The following ZBTB20 variants were observed in gnomAD, a reference collection of about 807,000 sequenced individuals.
ZBTB20 encodes the protein zinc finger and BTB domain containing 20.
In ZBTB20, 9 loss-of-function variants were observed where a neutral mutation model predicts 56.9. That is an observed-to-expected ratio of 0.16 (90% confidence interval 0.10 to 0.28). ZBTB20 has a LOEUF of 0.28. ZBTB20 is among the 10% of genes least tolerant of loss of function. ZBTB20 has a pLI of 1.00. For synonymous variants in ZBTB20, 417 were observed against 420.7 expected, an observed-to-expected ratio of 0.99 and a Z score of 0.11; for missense variants, 655 against 1,003.0, an observed-to-expected ratio of 0.65 and a Z score of 4.69.
At chr3:114,370,432 A>C (rs2082873857) in intron 10 of ZBTB20, among the ~76,000 whole-genome samples, 1 of 152,142 alleles carries the variant, frequency 6.6e-6, no homozygotes, top group Admixed American at 6.5e-5. Flanking sequence ...ACCTAAGGTA[A>C]TCTTTTCCTA....
intron 6 of ZBTB20, among the ~76,000 whole-genome samples, chr3:114,590,852 A>C (rs1209688603): frequency 2.0e-5 from 3 of 152,200 alleles, no homozygotes; most frequent in Admixed American, 6.5e-5. Flanking sequence ...CCATTCCAGA[A>C]AGATATGACT....
At chr3:115,121,125 C>T (rs534246529) in intron 1 of ZBTB20, among the ~76,000 whole-genome samples, 20 of 152,140 alleles carry the variant, frequency 1.3e-4, no homozygotes, top group African/African-American at 4.8e-4. Flanking sequence ...CGTTGAGCTA[C>T]GGTCAGTTTT....
chr3:114,933,160 G>C (rs1406746174), intron 3 of ZBTB20, among the ~76,000 whole-genome samples: 1 of 152,166 alleles, frequency 6.6e-6, no homozygotes, highest in Non-Finnish European at 1.5e-5. Flanking sequence ...AGTGACCCAA[G>C]CTATTACTAA....
At chr3:114,748,334 C>CTTTCTTCTTTCT (rs762103705) in intron 5 of ZBTB20, among the ~76,000 whole-genome samples, 1 of 57,164 alleles carries the variant, frequency 1.7e-5, no homozygotes, top group Non-Finnish European at 3.8e-5. Flanking sequence ...TTCTTTCTTT[C>CTTTCTTCTTTCT]TTCTTTCTTT....
In ZBTB20 at chr3:114,517,895, C is replaced by T. The variant is rs531492583; in HGVS notation, c.-294-17504G>A. On this transcript the variant is annotated intron_variant, in intron 6 of 11. Transcript: ENST00000675478. ...AGCCATTTGACATGTATTTTTTAAG[C>T]GCTTACTGTATACCAGGCCCTATGC... 5.9e-5 allele frequency among the ~76,000 whole-genome samples: 9 copies of T among 152,092 alleles called. No individual in the cohort carries two copies. In the South Asian group the frequency reaches 1.2e-3, roughly 21 times the overall value.
intron 3 of ZBTB20, among the ~76,000 whole-genome samples, chr3:114,958,709 G>C (rs2077336457): frequency 6.6e-6 from 1 of 151,800 alleles, no homozygotes; most frequent in South Asian, 2.1e-4. Flanking sequence ...ATTAGCCAGG[G>C]TGGTGGCACA....
At chr3:114,623,565 C>T (rs1043785091) in intron 6 of ZBTB20, among the ~76,000 whole-genome samples, 3 of 152,096 alleles carry the variant, frequency 2.0e-5, no homozygotes, top group Non-Finnish European at 2.9e-5. Flanking sequence ...GGTTCCCTAA[C>T]GTTTAAAAGC....
chr3:114,565,531 G>A (rs528040186), intron 6 of ZBTB20, among the ~76,000 whole-genome samples: 1 of 152,220 alleles, frequency 6.6e-6, no homozygotes, highest in African/African-American at 2.4e-5. Context: ...CTTGCAAAAA[G>A]TTTATTTTCT....
At chr3:114,353,960 AT>A (rs1378429160) in intron 10 of ZBTB20, among the ~76,000 whole-genome samples, 1 of 152,224 alleles carries the variant, frequency 6.6e-6, no homozygotes, top group Non-Finnish European at 1.5e-5. Context: ...TAACTGCTTC[AT>A]TATATTGCAT....
chr3:115,058,681 A>G (rs2081904565), intron 2 of ZBTB20, among the ~76,000 whole-genome samples: 1 of 152,086 alleles, frequency 6.6e-6, no homozygotes, highest in Non-Finnish European at 1.5e-5. Context: ...GTAAGCCACG[A>G]TGTGCCACTG....
intron 3 of ZBTB20, among the ~76,000 whole-genome samples, chr3:114,933,133 T>A (rs1410921498): frequency 6.6e-6 from 1 of 152,166 alleles, no homozygotes; most frequent in East Asian, 1.9e-4. Flanking sequence ...AGGCTTCCAG[T>A]CAAGTGCAAC....
intron 5 of ZBTB20, among the ~76,000 whole-genome samples, chr3:114,797,556 G>A (rs888739146): frequency 6.6e-6 from 1 of 151,866 alleles, no homozygotes; most frequent in African/African-American, 2.4e-5. Context: ...GATTTTCCCA[G>A]ATAAATTATG....
chr3:114,380,575 A>G (rs549495533), intron 9 of ZBTB20, among the ~76,000 whole-genome samples, 171 bp from the exon 10 acceptor site: 1 of 152,080 alleles, frequency 6.6e-6, no homozygotes, highest in South Asian at 2.1e-4. Context: ...TCCCTCCAGT[A>G]ATGGCCTAAC....
intron 5 of ZBTB20, among the ~76,000 whole-genome samples, chr3:114,709,981 T>C (rs2063957632): frequency 6.6e-6 from 1 of 152,156 alleles, no homozygotes; most frequent in South Asian, 2.1e-4. Flanking sequence ...ATTCCAACAA[T>C]GGGTTAGAGT....
At chr3:114,664,373 A>T (rs2060926169) in intron 6 of ZBTB20, among the ~76,000 whole-genome samples, 1 of 152,138 alleles carries the variant, frequency 6.6e-6, no homozygotes, top group Non-Finnish European at 1.5e-5. Context: ...AAGAGCCTGT[A>T]AATATAACTG....
At chr3:115,001,426 A>G (rs1214671965) in intron 2 of ZBTB20, among the ~76,000 whole-genome samples, 2 of 151,462 alleles carry the variant, frequency 1.3e-5, no homozygotes, top group African/African-American at 4.8e-5. Context: ...TAGCAGTATT[A>G]TAAATTTAAA....
intron 7 of ZBTB20, among the ~76,000 whole-genome samples, chr3:114,454,285 C>T (rs966183274): frequency 2.7e-5 from 4 of 150,552 alleles, no homozygotes; most frequent in Admixed American, 6.6e-5. Context: ...GGCGGTCAAG[C>T]GTTAAGTAAC....
In ZBTB20 at chr3:114,621,966, T is replaced by C. The variant is rs973894162; in HGVS notation, c.-295+71562A>G. Among the ~76,000 whole-genome samples, 123 of 152,300 alleles carry C rather than the reference T, an allele frequency of 8.1e-4. 1 individual carries two copies. Among genetic ancestry groups the C allele is most frequent in the African/African-American group, 2.8e-3 (115 of 41,562 alleles). On this transcript the variant is annotated intron_variant, in intron 6 of 11. Transcript: ENST00000675478. ...ACTTGGAACTCCAAGCCTTAGCAAC[T>C]ATAAGAAAAATCTCTCTGGCAGATT...
chr3:114,380,206 G>A lies in ZBTB20; in HGVS notation c.199+11C>T. On this transcript the variant is annotated intron_variant, in intron 10 of 11. Coordinates refer to ENST00000675478, the MANE Select transcript of ZBTB20 (RefSeq NM_001348800.3). ...ACTGCAAAGACACCATCACCTTAGT[G>A]GTGTACTCACAATCAGATGACCCGG... 3.3e-6 allele frequency: 5 copies of A among 1,534,042 alleles called. No individual in the cohort carries two copies. Among genetic ancestry groups the A allele is most frequent in the Non-Finnish European group, 4.4e-6 (5 of 1,145,196 alleles).
Sources: gnomAD v4.1 joint callset for allele counts (sites outside exome capture counted in the v4.1 genomes callset) on GRCh38, gnomAD v4.1.1 for gene constraint, MANE v1.5 for transcripts, NCBI Gene and HGNC (gene_info 2026-07-23, HGNC 2026-07-21) for gene names.